MYOM2: variants seen among roughly 807,000 people sequenced by gnomAD.
MYOM2 encodes myomesin 2.
In MYOM2, 254 loss-of-function variants were observed where a neutral mutation model predicts 187.6. That is an observed-to-expected ratio of 1.35 (90% CI 1.22 to 1.50). The LOEUF (loss-of-function observed/expected upper bound fraction) is 1.50. Ranked by LOEUF, MYOM2 falls within the 40% of genes most tolerant of loss-of-function variation. The probability of loss-of-function intolerance (pLI) is 0.00; values close to 1 mark genes in which losing one functional copy is unlikely to be tolerated. For missense variants in MYOM2, 2,796 were observed against 1,924.0 expected, an observed-to-expected ratio of 1.45 and a Z score of -8.48; for synonymous variants, 981 against 753.8, an observed-to-expected ratio of 1.30 and a Z score of -4.94.
chr8:2,123,436 A>T (rs6998712), intron 29 of MYOM2, 71 bp downstream of exon 29: 1,060,860 of 1,458,924 alleles, frequency 0.73, 387,208 homozygotes, highest in Admixed American at 0.83. Context: ...AAATTCTACA[A>T]TCCTCTAATT....
chr8:2,092,224 G>C (rs1418446568), intron 15 of MYOM2, 122 bp from the exon 16 acceptor site: 1 of 1,219,152 alleles, frequency 8.2e-7, no homozygotes, highest in Non-Finnish European at 1.2e-6. Flanking sequence ...CCCCTTGTCT[G>C]AATTTCTTCC....
chr8:2,124,195 T>C lies in MYOM2; in HGVS notation c.3672T>C (p.Ile1224=). 3 of 1,613,022 alleles carry C rather than the reference T, an allele frequency of 1.9e-6. No individual in the cohort carries two copies. The highest frequency in any genetic ancestry group is 2.5e-6 in the Non-Finnish European group (3 of 1,179,390). The change falls in exon 31 of 37, where the codon ATT becomes ATC. Residue 1224 remains isoleucine, a synonymous_variant. Coordinates refer to ENST00000262113, the MANE Select transcript of MYOM2 (RefSeq NM_003970.4). Reference sequence around the variant, plus strand: ...CATTTTCAGTGTATGATGATATGATTTTGGCAATGAGTAGAGTCTGTGGTA... The same window carrying C: ...CATTTTCAGTGTATGATGATATGATCTTGGCAATGAGTAGAGTCTGTGGTA... The part of the protein sequence containing the change: ...EIAGKVYDDM[I]LAMSRVCGKS...
chr8:2,079,467 A>G lies in MYOM2; in HGVS notation c.1463-93A>G, dbSNP rs1819546130. 69 of 1,211,146 alleles carry G rather than the reference A, an allele frequency of 5.7e-5. No homozygotes were observed. The South Asian group carries it at 7.6e-4, about 13-fold the overall frequency. The allele number at this position is 1,211,146 out of a possible 1,614,324, so 75.0% of individuals were successfully genotyped here. On this transcript the variant is annotated intron_variant, in intron 12 of 36. Transcript: ENST00000262113. ...GACTCACAGGTTGTAGTCCTAATGC[A>G]GAGGAGATGCAGAGCTGGCACAGAA...
chr8:2,050,909 T>C (rs1159389568), intron 2 of MYOM2, 36 bp downstream of exon 2: 1 of 1,492,642 alleles, frequency 6.7e-7, no homozygotes, highest in Non-Finnish European at 9.3e-7. Flanking sequence ...GCGCAGAGCT[T>C]TGATTATGGG....
rs914055979 is a variant in MYOM2, at chr8:2,073,219, T to C, written c.959-120T>C. ...GATTTTACCAGGCTGAGGCTCTGCC[T>C]TCCGTGGTGTCCAGCTCGACTGTCC... On this transcript the variant is annotated intron_variant, in intron 9 of 36. Coordinates refer to ENST00000262113, the MANE Select transcript of MYOM2 (RefSeq NM_003970.4). 14 of 1,111,902 alleles carry C rather than the reference T, an allele frequency of 1.3e-5. No individual in the cohort carries two copies. In the African/African-American group the frequency reaches 2.2e-4, roughly 17 times the overall value. The allele number at this position is 1,111,902 out of a possible 1,614,324, so 68.9% of individuals were successfully genotyped here. A position where few individuals can be genotyped will look rare whatever the true frequency, so the allele number is the denominator to read the frequency against.
Position 2,117,921 on chromosome 8 carries a change from C to T in MYOM2, c.3422C>T (p.Thr1141Met), listed in dbSNP as rs760384319. 32 of 1,613,180 alleles carry T rather than the reference C, an allele frequency of 2.0e-5. No individual in the cohort carries two copies. The highest frequency in any genetic ancestry group is 1.7e-4 in the Middle Eastern group (1 of 6,060). The change falls in exon 28 of 37, where the codon ACG becomes ATG. Residue 1141 changes from threonine (T) to methionine (M), a missense_variant. Transcript: ENST00000262113. ...HFAEYLHWDV[T>M]EECEVRLVCK... ...GCTGAGTACTTGCACTGGGATGTCA[C>T]GGAAGAATGTGAAGTTCGACTTGTT...
At chr8:2,080,854 G>A (rs1042980674) in intron 13 of MYOM2, among the ~76,000 whole-genome samples, 7 of 143,634 alleles carry the variant, frequency 4.9e-5, no homozygotes, top group South Asian at 4.2e-4. Context: ...TGTAGAATGA[G>A]GTTTGGTTCT....
Position 2,057,636 on chromosome 8 carries a change from T to C in MYOM2, c.416T>C (p.Leu139Pro). Residue 139 changes from leucine (L) to proline (P), a missense_variant, in exon 5 of 37, where the codon CTG (leucine) becomes CCG (proline). Leu to Pro is a moderately conservative substitution (Grantham distance 98). Coordinates refer to ENST00000262113, the MANE Select transcript of MYOM2 (RefSeq NM_003970.4). ...YAIQQMMEDK[L>P]AWERHTFEER... The stretch of plus-strand genomic sequence containing the variant: ...TTCTCGGGGCAGATGGAGGACAAGC[T>C]GGCCTGGGAGAGACACACATTTGAA... 6.2e-7 allele frequency: 1 copy of C among 1,614,032 alleles called. No homozygotes were observed. Among genetic ancestry groups the C allele is most frequent in the East Asian group, 2.2e-5 (1 of 44,864 alleles).
intron 10 of MYOM2, among the ~76,000 whole-genome samples, chr8:2,073,864 C>T (rs1008483739): frequency 6.6e-6 from 1 of 152,164 alleles, no homozygotes; most frequent in Non-Finnish European, 1.5e-5. Flanking sequence ...TGTTGGAGTC[C>T]CAGGGAAGAG....
intron 1 of MYOM2, among the ~76,000 whole-genome samples, chr8:2,045,395 G>A (rs117582683): frequency 0.022 from 3,298 of 152,252 alleles, 43 homozygotes; most frequent in African/African-American, 0.031. Flanking sequence ...TCCCACAGCC[G>A]TGGTCTTTGC....
At chr8:2,095,167 T>C (rs1563051004) in intron 17 of MYOM2, among the ~76,000 whole-genome samples, 2 of 152,232 alleles carry the variant, frequency 1.3e-5, no homozygotes, top group African/African-American at 4.8e-5. Flanking sequence ...TGATAACATC[T>C]AGCTAGGTAC....
chr8:2,050,869 A>G lies in MYOM2; in HGVS notation c.103A>G (p.Lys35Glu), dbSNP rs145748372. Residue 35 changes from lysine (K) to glutamate (E), a missense_variant, in exon 2 of 37, where the codon AAA becomes GAA. Physicochemically the swap from Lys to Glu is moderately conservative, Grantham distance 56. Transcript: ENST00000262113. Reference protein sequence around the residue: ...TRYLLDEYASKKRASTQASSQ... With the variant: ...TRYLLDEYASEKRASTQASSQ... ...GTACCTGCTGGACGAATATGCGTCA[A>G]AAAAGTAAGCTGACATTCGCTGATG... The G allele has an allele frequency of 7.0e-5, 112 of 1,608,216 alleles. 1 individual carries two copies. In the African/African-American group the frequency reaches 1.3e-3, roughly 18 times the overall value.
chr8:2,107,651 A>G (rs1326643426), intron 23 of MYOM2, among the ~76,000 whole-genome samples: 1 of 152,162 alleles, frequency 6.6e-6, no homozygotes, highest in Non-Finnish European at 1.5e-5. Flanking sequence ...ACACAGGCAG[A>G]CAAATGAGGA....
chr8:2,124,039 A>G (rs1797549245), intron 30 of MYOM2, 140 bp from the exon 31 acceptor site: 2 of 834,446 alleles, frequency 2.4e-6, no homozygotes, highest in Admixed American at 5.1e-5. Flanking sequence ...TAAGTCTTTT[A>G]TGGATAAATA....
intron 31 of MYOM2, among the ~76,000 whole-genome samples, chr8:2,126,529 TACAC>T (rs1173141229): frequency 6.6e-6 from 1 of 152,020 alleles, no homozygotes; most frequent in Non-Finnish European, 1.5e-5. Context: ...CACACACTCA[TACAC>T]ACACTTACTC....
chr8:2,135,878 C>A (rs996131077), intron 32 of MYOM2, among the ~76,000 whole-genome samples: 2 of 152,172 alleles, frequency 1.3e-5, no homozygotes, highest in African/African-American at 2.4e-5. Context: ...ACGTGTTTGG[C>A]CCTCTTATAA....
intron 14 of MYOM2, 87 bp from the exon 15 acceptor site, chr8:2,089,921 C>G (rs760305873): frequency 1.3e-5 from 17 of 1,328,466 alleles, no homozygotes; most frequent in Non-Finnish European, 1.7e-5. Flanking sequence ...CCTGGGATAG[C>G]GAGAACAGAG....
chr8:2,090,700 ATGAG>A, intron 15 of MYOM2, among the ~76,000 whole-genome samples: 1 of 152,102 alleles, frequency 6.6e-6, no homozygotes, highest in Non-Finnish European at 1.5e-5. Context: ...GCTCCCACTT[ATGAG>A]TGAGAACATT....
chr8:2,070,562 C>T (rs921931473), intron 8 of MYOM2, among the ~76,000 whole-genome samples: 2 of 152,130 alleles, frequency 1.3e-5, no homozygotes, highest in Non-Finnish European at 2.9e-5. Context: ...TGGAGAGTTG[C>T]CCCAGGCACT....
Sources: gnomAD v4.1 joint callset for allele counts (sites outside exome capture counted in the v4.1 genomes callset) on GRCh38, gnomAD v4.1.1 for gene constraint, MANE v1.5 for transcripts, NCBI Gene and HGNC (gene_info 2026-07-23, HGNC 2026-07-21) for gene names.